The following PARD3B variants were observed in gnomAD, a reference collection of about 807,000 sequenced individuals.
The protein encoded by PARD3B is par-3 family cell polarity regulator beta.
PARD3B carries 103 observed loss-of-function variants against 130.2 expected under a neutral mutation model. The observed-to-expected ratio is 0.79, with a 90% CI of 0.67 to 0.93. The LOEUF is 0.93. Among genes scored for constraint, PARD3B ranks in the 40% least tolerant of loss-of-function variants. The pLI is 0.00. For missense variants in PARD3B, 1,609 were observed against 1,499.2 expected, an observed-to-expected ratio of 1.07 and a Z score of -1.21; for synonymous variants, 583 against 553.2, an observed-to-expected ratio of 1.05 and a Z score of -0.76.
At chr2:204,608,389 T>C (rs1483201220) in intron 1 of PARD3B, among the ~76,000 whole-genome samples, 1 of 152,194 alleles carries the variant, frequency 6.6e-6, no homozygotes, top group South Asian at 2.1e-4. Flanking sequence ...TTCCCATTCT[T>C]CTACCCTTAG....
At chr2:204,987,836 T>C (rs770782002) in intron 3 of PARD3B, among the ~76,000 whole-genome samples, 5 of 151,924 alleles carry the variant, frequency 3.3e-5, no homozygotes, top group Non-Finnish European at 7.4e-5. Context: ...TATAGGGAGG[T>C]GATTTCATTC....
In PARD3B at chr2:205,292,408, C is replaced by T. The variant is rs1175944826; in HGVS notation, c.2186-8122C>T. The stretch of plus-strand genomic sequence containing the variant: ...TTGAACTTCCCAGCCTCCAGAACTG[C>T]GAGAAAATTCCATTGTTGATAAGCC... On this transcript the variant is annotated intron_variant, in intron 16 of 22. Transcript: ENST00000406610. The surrounding 1 kb of genome is among the most constrained non-coding windows in gnomAD (Gnocchi z 5.3). Among the ~76,000 whole-genome samples the T allele has an allele frequency of 3.9e-5, 6 of 152,048 alleles. No homozygotes were observed. The highest frequency in any genetic ancestry group is 7.2e-5 in the African/African-American group (3 of 41,382).
intron 4 of PARD3B, among the ~76,000 whole-genome samples, chr2:205,050,959 A>G (rs1042444136): frequency 2.0e-5 from 3 of 152,126 alleles, no homozygotes; most frequent in African/African-American, 7.2e-5. Context: ...TGTCTTCACA[A>G]ACTGTCAGAG....
chr2:204,595,885 A>G (rs1223872016), intron 1 of PARD3B, among the ~76,000 whole-genome samples: 3 of 152,256 alleles, frequency 2.0e-5, no homozygotes, highest in Non-Finnish European at 4.4e-5. Context: ...TGAATTCTTC[A>G]GTGAAACAAA....
chr2:204,974,027 G>A (rs998252967), intron 3 of PARD3B, among the ~76,000 whole-genome samples: 10 of 152,116 alleles, frequency 6.6e-5, no homozygotes, highest in Non-Finnish European at 7.4e-5. Flanking sequence ...CACAGAAAAC[G>A]GTGCTCATTC....
At position 204,792,712 on chromosome 2, in the gene PARD3B, C is replaced by G. The variant is rs566610097; in HGVS notation, c.222+106430C>G. On this transcript the variant is annotated intron_variant, in intron 2 of 22. Coordinates refer to ENST00000406610, the MANE Select transcript of PARD3B (RefSeq NM_001302769.2). ...TTGTACCTAAAATAAAAACTCAGTC[C>G]TATGATGAAGTCCTGGGCTTTCTTA... Among the ~76,000 whole-genome samples, 8 of 152,130 alleles carry G rather than the reference C, an allele frequency of 5.3e-5. No individual in the cohort carries two copies. The South Asian group carries it at 1.7e-3, about 32-fold the overall frequency.
chr2:205,317,598 T>C (rs1341343127), intron 18 of PARD3B, among the ~76,000 whole-genome samples: 1 of 152,168 alleles, frequency 6.6e-6, no homozygotes, highest in African/African-American at 2.4e-5. Flanking sequence ...GGCCAGTCGA[T>C]CACCCTATTC....
At chr2:205,452,823 G>A (rs1055852982) in intron 20 of PARD3B, among the ~76,000 whole-genome samples, 1 of 152,162 alleles carries the variant, frequency 6.6e-6, no homozygotes. Context: ...AAGAGGGTTT[G>A]TACTCAGTGA....
chr2:204,637,117 C>A (rs1260192183), intron 1 of PARD3B, among the ~76,000 whole-genome samples: 1 of 151,928 alleles, frequency 6.6e-6, no homozygotes, highest in Non-Finnish European at 1.5e-5. Context: ...AATTTTTGTA[C>A]AATTAATCTG....
At position 205,130,484 on chromosome 2, in the gene PARD3B, A is replaced by T. The variant is rs368876086; in HGVS notation, c.1434+4747A>T. Among the ~76,000 whole-genome samples the T allele has an allele frequency of 1.4e-4, 21 of 152,280 alleles. No individual in the cohort carries two copies. In the East Asian group the frequency reaches 4.1e-3, roughly 29 times the overall value. On this transcript the variant is annotated intron_variant, in intron 10 of 22. Coordinates refer to ENST00000406610, the MANE Select transcript of PARD3B (RefSeq NM_001302769.2). ...AATTTCATGGCTTCATTTCTTTAAG[A>T]GCTAGAGAGAGAAGGAGAAAGTTAT...
At chr2:205,429,575 A>G (rs1458621087) in intron 19 of PARD3B, among the ~76,000 whole-genome samples, 2 of 152,200 alleles carry the variant, frequency 1.3e-5, no homozygotes, top group African/African-American at 4.8e-5. Flanking sequence ...ATTACTAAAG[A>G]CAATCAGATA....
At position 205,563,098 on chromosome 2, in the gene PARD3B, CATG is replaced by C. The variant is rs2053195539; in HGVS notation, c.3260+9698_3260+9700del. Among the ~76,000 whole-genome samples, 1 of 152,166 alleles carries C rather than the reference CATG, an allele frequency of 6.6e-6. No homozygotes were observed. The highest frequency in any genetic ancestry group is 1.5e-5 in the Non-Finnish European group (1 of 68,034). ...TAGTGCCTCACCAAATGCATGAATA[CATG>C]ATATTATTCAACAGGAGTAATTAAC... On this transcript the variant is annotated intron_variant, in intron 22 of 22. Coordinates refer to ENST00000406610, the MANE Select transcript of PARD3B (RefSeq NM_001302769.2). The surrounding 1 kb of genome is among the most constrained non-coding windows in gnomAD (Gnocchi z 4.2).
intron 18 of PARD3B, among the ~76,000 whole-genome samples, chr2:205,370,501 C>T (rs752616885): frequency 6.6e-6 from 1 of 152,094 alleles, no homozygotes; most frequent in African/African-American, 2.4e-5. Flanking sequence ...GTGTACCTCT[C>T]GAGGAAGGCA....
intron 2 of PARD3B, among the ~76,000 whole-genome samples, chr2:204,760,166 C>T (rs534325657): frequency 2.6e-5 from 4 of 151,938 alleles, no homozygotes; most frequent in African/African-American, 9.7e-5. Context: ...CCAGCAAAGT[C>T]CTAGAAATAA....
At chr2:204,697,458 A>G (rs1559068084) in intron 2 of PARD3B, among the ~76,000 whole-genome samples, 1 of 152,112 alleles carries the variant, frequency 6.6e-6, no homozygotes, top group Non-Finnish European at 1.5e-5. Context: ...AGCTGAATAT[A>G]ATGAACAGCT....
At chr2:204,729,984 TACACACACACACAAACACACAC>T (rs1553513296) in intron 2 of PARD3B, among the ~76,000 whole-genome samples, 1 of 81,730 alleles carries the variant, frequency 1.2e-5, no homozygotes, top group African/African-American at 4.3e-5. Context: ...TAGTTACAGA[TACACACACACACAAACACACAC>T]ACACACACAC....
chr2:205,096,166 GT>G (rs1702383015), intron 4 of PARD3B, among the ~76,000 whole-genome samples: 1 of 152,078 alleles, frequency 6.6e-6, no homozygotes, highest in African/African-American at 2.4e-5. Context: ...TTATATGTAT[GT>G]TTATTCAGTT....
intron 2 of PARD3B, among the ~76,000 whole-genome samples, chr2:204,865,000 G>C (rs2045351509): frequency 6.6e-6 from 1 of 152,106 alleles, no homozygotes; most frequent in African/African-American, 2.4e-5. Context: ...AAGACATACA[G>C]ATGGCCAAGA....
intron 4 of PARD3B, among the ~76,000 whole-genome samples, chr2:205,089,136 T>G (rs1211868599): frequency 7.7e-6 from 1 of 130,448 alleles, no homozygotes; most frequent in Non-Finnish European, 1.8e-5. Flanking sequence ...ACTCTCTTTT[T>G]TTTTTCTTTC....
Sources: gnomAD v4.1 joint callset for allele counts (sites outside exome capture counted in the v4.1 genomes callset) on GRCh38, gnomAD v4.1.1 for gene constraint, Gnocchi (gnomAD v3.1) non-coding constraint, MANE v1.5 for transcripts, NCBI Gene and HGNC (gene_info 2026-07-23, HGNC 2026-07-21) for gene names.